SYTL3: variants seen among roughly 807,000 people sequenced by gnomAD.
The protein encoded by SYTL3 is synaptotagmin like 3.
A neutral mutation model predicts 82.1 loss-of-function variants in SYTL3; 88 were observed. That is an observed-to-expected ratio of 1.07 (90% CI 0.90 to 1.28). SYTL3 has a LOEUF of 1.28. SYTL3 is among the 50% of genes most tolerant of loss of function. The pLI is 0.00. For missense variants in SYTL3, 831 were observed against 757.6 expected (o/e 1.10, Z -1.14); for synonymous variants, 311 against 289.4 (o/e 1.07, Z -0.76).
chr6:158,722,594 C>T (rs1784235876), intron 10 of SYTL3, among the ~76,000 whole-genome samples: 1 of 151,980 alleles, frequency 6.6e-6, no homozygotes, highest in Admixed American at 6.6e-5. Flanking sequence ...CTGTGCATTC[C>T]ACTGGGATTT....
At chr6:158,668,715 C>A (rs1345348403) in intron 5 of SYTL3, among the ~76,000 whole-genome samples, 1 of 151,940 alleles carries the variant, frequency 6.6e-6, no homozygotes, top group Non-Finnish European at 1.5e-5. Flanking sequence ...ATGAGAGGCA[C>A]CGAGGGAGGA....
chr6:158,762,801 T>C (rs889162995), intron 16 of SYTL3, among the ~76,000 whole-genome samples: 5 of 152,062 alleles, frequency 3.3e-5, no homozygotes, highest in African/African-American at 4.8e-5. Context: ...CCTATAATCC[T>C]AGCTGCTCTG....
chr6:158,738,334 T>C (rs1055376668), intron 11 of SYTL3, among the ~76,000 whole-genome samples: 1 of 152,168 alleles, frequency 6.6e-6, no homozygotes, highest in Non-Finnish European at 1.5e-5. Context: ...TCTCCCTTTT[T>C]ACTCTACCAA....
rs1778569207 is a variant in SYTL3, at chr6:158,680,590, A to AAAAG, written c.330-2332_330-2331insGAAA. Among the ~76,000 whole-genome samples the AAAAG allele has an allele frequency of 5.3e-5, 8 of 151,422 alleles. No individual in the cohort carries two copies. The South Asian group carries it at 1.7e-3, about 32-fold the overall frequency. ...CCCGTCTCTACAAAAAAAAAAAAAAAAAAACACAAAAATCAGCCAGGTGTG... is the reference window on the plus strand; with the variant it reads ...CCCGTCTCTACAAAAAAAAAAAAAAAAAAGAAAACACAAAAATCAGCCAGGTGTG... On this transcript the variant is annotated intron_variant, in intron 5 of 17. Transcript: ENST00000611299.
intron 6 of SYTL3, among the ~76,000 whole-genome samples, chr6:158,692,907 T>C (rs1562382777): frequency 6.6e-6 from 1 of 151,720 alleles, no homozygotes; most frequent in African/African-American, 2.4e-5. Flanking sequence ...GCCGAGATCG[T>C]GCCACTGCAC....
At chr6:158,717,080 G>A (rs141227123) in intron 9 of SYTL3, among the ~76,000 whole-genome samples, 1 of 152,068 alleles carries the variant, frequency 6.6e-6, no homozygotes, top group Non-Finnish European at 1.5e-5. Context: ...TCAGGAGTTC[G>A]AGACCAGCCT....
At chr6:158,707,131 T>G in intron 6 of SYTL3, 99 bp from the exon 7 acceptor site, 1 of 1,218,220 alleles carries the variant, frequency 8.2e-7, no homozygotes, top group Non-Finnish European at 1.2e-6. Context: ...TCACAAGAAA[T>G]GATACTAGAG....
intron 16 of SYTL3, 62 bp from the exon 17 acceptor site, chr6:158,763,242 A>G: frequency 6.7e-7 from 1 of 1,484,666 alleles, no homozygotes; most frequent in South Asian, 1.1e-5. Flanking sequence ...ACTGACGCAC[A>G]GGCCTCAGGA....
At chr6:158,686,078 T>G (rs1382717969) in intron 6 of SYTL3, among the ~76,000 whole-genome samples, 3 of 152,210 alleles carry the variant, frequency 2.0e-5, no homozygotes, top group Non-Finnish European at 1.5e-5. Context: ...GTGTGTGTGT[T>G]TGTGCACACA....
At chr6:158,689,921 T>C (rs955755967) in intron 6 of SYTL3, among the ~76,000 whole-genome samples, 9 of 152,234 alleles carry the variant, frequency 5.9e-5, no homozygotes, top group Non-Finnish European at 1.3e-4. Flanking sequence ...CCCAAAGTGC[T>C]GGGATTATAG....
chr6:158,694,656 T>C (rs1027653346), intron 6 of SYTL3, among the ~76,000 whole-genome samples: 1 of 152,216 alleles, frequency 6.6e-6, no homozygotes, highest in African/African-American at 2.4e-5. Flanking sequence ...AACACAAAAA[T>C]TGAATTGATT....
At chr6:158,737,052 AAC>A (rs55770820) in intron 11 of SYTL3, among the ~76,000 whole-genome samples, 4,511 of 151,216 alleles carry the variant, frequency 0.03, 70 homozygotes, top group African/African-American at 0.048. Context: ...AAAAAAAAAA[AAC>A]AACGAAAAAT....
chr6:158,682,968 G>C lies in SYTL3; in HGVS notation c.373G>C (p.Ala125Pro), dbSNP rs1778885408. The change falls in exon 6 of 18, where the codon GCC becomes CCC. Residue 125 changes from alanine to proline, a missense_variant. Transcript: ENST00000611299. ...KTGEWFYEER[A>P]KKFPTGGKHE... ...TGGAGAATGGTTCTATGAGGAACGA[G>C]CCAAGAAATTTCCAACTGGAGGTAA... 1 of 1,613,166 alleles carries C rather than the reference G, an allele frequency of 6.2e-7. No individual in the cohort carries two copies. The highest frequency in any genetic ancestry group is 8.5e-7 in the Non-Finnish European group (1 of 1,179,212).
At chr6:158,758,047 G>A (rs1318034991) in intron 14 of SYTL3, among the ~76,000 whole-genome samples, 2 of 152,184 alleles carry the variant, frequency 1.3e-5, no homozygotes, top group East Asian at 3.9e-4. Context: ...TCTCGGAGAC[G>A]CTGCTTTGTA....
chr6:158,690,499 A>C (rs991801424), intron 6 of SYTL3, among the ~76,000 whole-genome samples: 1 of 152,132 alleles, frequency 6.6e-6, no homozygotes, highest in Non-Finnish European at 1.5e-5. Flanking sequence ...GATATGTGCA[A>C]TTTAAGATAA....
intron 7 of SYTL3, among the ~76,000 whole-genome samples, 157 bp from the exon 8 acceptor site, chr6:158,708,165 C>A (rs1053819612): frequency 1.3e-5 from 2 of 152,020 alleles, no homozygotes; most frequent in African/African-American, 4.8e-5. Flanking sequence ...GCAGCAGGTC[C>A]AAGCAGGGCT....
chr6:158,697,057 G>A (rs1780635865), intron 6 of SYTL3, among the ~76,000 whole-genome samples: 1 of 151,406 alleles, frequency 6.6e-6, no homozygotes, highest in African/African-American at 2.4e-5. Flanking sequence ...GTGAAATAAG[G>A]TAAGCCAGAC....
Position 158,707,285 on chromosome 6 carries a change from A to T in SYTL3, c.446+4A>T, listed in dbSNP as rs773119026. ...TGCAATCTTATCAGAAGCTGAGGTG[A>T]GTGTTACAAAGGACAGACCGTCCCT... On this transcript the variant is annotated splice_donor_region_variant and intron_variant, in intron 7 of 17. Transcript: ENST00000611299. The T allele has an allele frequency of 3.1e-6, 5 of 1,613,706 alleles. No individual in the cohort carries two copies. In the Admixed American group the frequency reaches 8.3e-5, roughly 27 times the overall value.
At chr6:158,758,389 G>T (rs1217962742) in intron 14 of SYTL3, among the ~76,000 whole-genome samples, 1 of 150,606 alleles carries the variant, frequency 6.6e-6, no homozygotes, top group African/African-American at 2.4e-5. Context: ...AATGAGTCGA[G>T]ATTGCACCAC....
Sources: gnomAD v4.1 joint callset for allele counts (sites outside exome capture counted in the v4.1 genomes callset) on GRCh38, gnomAD v4.1.1 for gene constraint, MANE v1.5 for transcripts, NCBI Gene and HGNC (gene_info 2026-07-23, HGNC 2026-07-21) for gene names.